WDR27: variants seen among roughly 807,000 people sequenced by gnomAD.
WDR27 encodes WD repeat-containing protein 27.
WDR27 carries 100 observed loss-of-function variants against 114.4 expected under a neutral mutation model. That is an observed-to-expected ratio of 0.87 (90% confidence interval 0.74 to 1.03). WDR27 has a LOEUF of 1.03. WDR27 is among the 50% of genes least tolerant of loss of function. The probability of loss-of-function intolerance (pLI) is 0.00; values close to 1 mark genes in which losing one functional copy is unlikely to be tolerated. For missense variants in WDR27, 1,129 were observed against 1,092.9 expected (o/e 1.03, Z -0.47); for synonymous variants, 449 against 423.1 (o/e 1.06, Z -0.75).
In WDR27 at chr6:169,642,390, T is replaced by C. The variant is rs929879080; in HGVS notation, c.1747+1307A>G. On this transcript the variant is annotated intron_variant, in intron 17 of 25. Transcript: ENST00000448612. ...TTTTCAGTTTAGTGAGAAGCCCTTT[T>C]TCCAACAATAAAATACACAGGGAAA... 6.6e-5 allele frequency among the ~76,000 whole-genome samples: 10 copies of C among 152,058 alleles called. No homozygotes were observed. In the South Asian group the frequency reaches 1.2e-3, roughly 19 times the overall value.
chr6:169,570,051 G>A (rs1164927052), intron 25 of WDR27, among the ~76,000 whole-genome samples: 17 of 152,208 alleles, frequency 1.1e-4, no homozygotes, highest in Non-Finnish European at 2.2e-4. Flanking sequence ...CCATCACATT[G>A]GGCACCACGG....
chr6:169,489,097 C>G (rs1789371944), intron 25 of WDR27, among the ~76,000 whole-genome samples: 1 of 152,052 alleles, frequency 6.6e-6, no homozygotes, highest in Non-Finnish European at 1.5e-5. Context: ...TACTTCCCGA[C>G]CCTGGTGCAG....
At chr6:169,584,502 C>G (rs1430498464) in intron 23 of WDR27, among the ~76,000 whole-genome samples, 1 of 152,306 alleles carries the variant, frequency 6.6e-6, no homozygotes, top group East Asian at 1.9e-4. Flanking sequence ...TTCCAGATGG[C>G]TGCACCAACC....
At chr6:169,651,261 A>G (rs1014869699) in intron 14 of WDR27, among the ~76,000 whole-genome samples, 5 of 149,932 alleles carry the variant, frequency 3.3e-5, no homozygotes, top group African/African-American at 9.9e-5. Context: ...AGTGCCAACC[A>G]GGGAGACAAG....
intron 16 of WDR27, among the ~76,000 whole-genome samples, chr6:169,644,113 CA>C (rs1196649502): frequency 6.7e-6 from 1 of 148,858 alleles, no homozygotes; most frequent in Non-Finnish European, 1.5e-5. Context: ...GCCTAGTTCA[CA>C]GGAGTCACAC....
At chr6:169,624,671 C>T (rs1261522165) in intron 21 of WDR27, among the ~76,000 whole-genome samples, 3 of 152,150 alleles carry the variant, frequency 2.0e-5, no homozygotes, top group Admixed American at 6.5e-5. Flanking sequence ...GATAAAGTAA[C>T]CAATTTAATT....
chr6:169,658,050 A>C lies in WDR27; in HGVS notation c.1402+226T>G, dbSNP rs1584960592. ...GCGGTCAGTCTTGGGCACGTTGCTG[A>C]ATCCCATGAGTGATGGCCAATTCAG... On this transcript the variant is annotated intron_variant, in intron 13 of 25. Coordinates refer to ENST00000448612, the MANE Select transcript of WDR27 (RefSeq NM_182552.5). 1.1e-5 allele frequency: 5 copies of C among 444,886 alleles called. No individual in the cohort carries two copies. The East Asian group carries it at 1.5e-4, about 13-fold the overall frequency. The allele number at this position is 444,886 out of a possible 1,614,324, so 27.6% of individuals were successfully genotyped here.
chr6:169,618,084 G>C lies in WDR27; in HGVS notation c.2224-4428C>G, dbSNP rs1256383051. Among the ~76,000 whole-genome samples the C allele has an allele frequency of 3.3e-5, 5 of 152,198 alleles. No individual in the cohort carries two copies. The East Asian group carries it at 9.6e-4, about 29-fold the overall frequency. On this transcript the variant is annotated intron_variant, in intron 21 of 25. Coordinates refer to ENST00000448612, the MANE Select transcript of WDR27 (RefSeq NM_182552.5). ...GTGGTTATCAGAGAAGAAGAAAAGG[G>C]AGGGATGTGGGTAGGGTTTTCTCTG...
At chr6:169,662,451 A>G in intron 8 of WDR27, 27 bp from the exon 9 acceptor site, 1 of 1,610,438 alleles carries the variant, frequency 6.2e-7, no homozygotes, top group Non-Finnish European at 8.5e-7. Context: ...TGAGAATCTA[A>G]GAAGTGAACT....
chr6:169,491,367 T>C (rs1361643963), intron 25 of WDR27, among the ~76,000 whole-genome samples: 3 of 152,188 alleles, frequency 2.0e-5, no homozygotes, highest in Non-Finnish European at 4.4e-5. Context: ...GTTAACTATA[T>C]CTGAAATGTG....
chr6:169,694,319 T>A (rs1785268254), intron 1 of WDR27, among the ~76,000 whole-genome samples: 3 of 151,962 alleles, frequency 2.0e-5, no homozygotes, highest in African/African-American at 7.2e-5. Context: ...CTCAAAAAAA[T>A]AAATAAATAA....
chr6:169,592,157 C>T (rs896948880), intron 23 of WDR27, among the ~76,000 whole-genome samples: 2 of 151,956 alleles, frequency 1.3e-5, no homozygotes, highest in African/African-American at 2.4e-5. Context: ...TTCTTTTTTC[C>T]GGGGGTATTT....
At chr6:169,452,123 A>G in the WDR27 span, among the ~76,000 whole-genome samples, 1 of 152,252 alleles carries the variant, frequency 6.6e-6, no homozygotes, top group Non-Finnish European at 1.5e-5. Flanking sequence ...CATCTTTGAA[A>G]GAAAAACATT....
At chr6:169,474,479 G>A (rs1187494113) in intron 25 of WDR27, among the ~76,000 whole-genome samples, 1 of 152,194 alleles carries the variant, frequency 6.6e-6, no homozygotes, top group African/African-American at 2.4e-5. Context: ...AGAAATACAA[G>A]TGAAGTCATT....
chr6:169,656,514 G>T (rs1476971952), intron 13 of WDR27, among the ~76,000 whole-genome samples: 1 of 152,130 alleles, frequency 6.6e-6, no homozygotes, highest in African/African-American at 2.4e-5. Context: ...AGGCGGGGTG[G>T]GGGGAAAGCA....
Position 169,616,957 on chromosome 6 carries a change from C to T in WDR27, c.2224-3301G>A, listed in dbSNP as rs1428114932. ...TGGAAGATAATAAAAATAGTGCATG[C>T]CCAAACTGGTAAAGTGCAATTTCAG... On this transcript the variant is annotated intron_variant, in intron 21 of 25. Coordinates refer to ENST00000448612, the MANE Select transcript of WDR27 (RefSeq NM_182552.5). 3.3e-5 allele frequency among the ~76,000 whole-genome samples: 5 copies of T among 152,002 alleles called. No homozygotes were observed. The East Asian group carries it at 7.7e-4, about 23-fold the overall frequency.
At chr6:169,627,028 T>A (rs1390363144) in intron 21 of WDR27, among the ~76,000 whole-genome samples, 2 of 152,198 alleles carry the variant, frequency 1.3e-5, no homozygotes, top group Non-Finnish European at 2.9e-5. Context: ...AGAGTTCTGA[T>A]GTGAAAGGCC....
At chr6:169,650,943 AGAT>A (rs1822268587) in intron 14 of WDR27, among the ~76,000 whole-genome samples, 1 of 152,214 alleles carries the variant, frequency 6.6e-6, no homozygotes, top group South Asian at 2.1e-4. Flanking sequence ...TTTAAAGAAC[AGAT>A]AATAAGACAC....
chr6:169,495,114 A>G (rs184007820), intron 25 of WDR27, among the ~76,000 whole-genome samples: 1 of 152,346 alleles, frequency 6.6e-6, no homozygotes, highest in East Asian at 1.9e-4. Context: ...AGAGAAATAG[A>G]TGGTAGGTGA....
Sources: allele counts gnomAD v4.1 joint callset (sites outside exome capture counted in the v4.1 genomes callset), GRCh38; gene constraint gnomAD v4.1.1; transcripts MANE v1.5; gene names NCBI Gene and HGNC (gene_info 2026-07-23, HGNC 2026-07-21).